SLC24A2: variants seen among roughly 807,000 people sequenced by gnomAD.
SLC24A2 encodes sodium/potassium/calcium exchanger 2.
SLC24A2 carries 36 observed loss-of-function variants against 62.0 expected under a neutral mutation model. The observed-to-expected ratio is 0.58, with a 90% CI of 0.44 to 0.77. The LOEUF is 0.77. Among genes scored for constraint, SLC24A2 ranks in the 30% least tolerant of loss-of-function variants. The pLI, the probability that SLC24A2 is intolerant of heterozygous loss-of-function variation, is 0.00. For missense variants in SLC24A2, 846 were observed against 817.9 expected (o/e 1.03, Z -0.42); for synonymous variants, 358 against 294.0 (o/e 1.22, Z -2.23).
At chr9:20,082,592 G>A in the SLC24A2 span, among the ~76,000 whole-genome samples, 1 of 152,208 alleles carries the variant, frequency 6.6e-6, no homozygotes, top group Non-Finnish European at 1.5e-5. Flanking sequence ...ACCATCACCA[G>A]CTGGCTGCCT....
At chr9:20,224,430 A>C in the SLC24A2 span, among the ~76,000 whole-genome samples, 1 of 152,108 alleles carries the variant, frequency 6.6e-6, no homozygotes, top group Non-Finnish European at 1.5e-5. Flanking sequence ...GCAAAAATTA[A>C]AGCCTGAAAA....
At chr9:19,757,556 T>G (rs1452338635) in intron 2 of SLC24A2, among the ~76,000 whole-genome samples, 1 of 152,176 alleles carries the variant, frequency 6.6e-6, no homozygotes, top group Admixed American at 6.5e-5. Context: ...AAAATTAGCT[T>G]GAGGTAAGGG....
chr9:20,260,162 A>G, the SLC24A2 span, among the ~76,000 whole-genome samples: 77,352 of 152,128 alleles, frequency 0.51, 22,195 homozygotes, highest in East Asian at 0.81. Flanking sequence ...TTCATTAGTG[A>G]GCTTAGTGCC....
the SLC24A2 span, among the ~76,000 whole-genome samples, chr9:19,994,856 C>A: frequency 6.6e-6 from 1 of 152,220 alleles, no homozygotes; most frequent in Non-Finnish European, 1.5e-5. Flanking sequence ...ACATACTTCA[C>A]TGAGAGGTCT....
the SLC24A2 span, among the ~76,000 whole-genome samples, chr9:20,080,218 T>C: frequency 6.6e-6 from 1 of 152,220 alleles, no homozygotes; most frequent in Admixed American, 6.5e-5. Context: ...GCTACCTGAC[T>C]TCAAACTATA....
At chr9:20,268,032 C>T in the SLC24A2 span, among the ~76,000 whole-genome samples, 4 of 152,120 alleles carry the variant, frequency 2.6e-5, no homozygotes, top group Non-Finnish European at 5.9e-5. Flanking sequence ...CCCACAGCCA[C>T]GTTATCTGCT....
chr9:19,711,262 T>C (rs1820707447), intron 2 of SLC24A2, among the ~76,000 whole-genome samples: 1 of 152,242 alleles, frequency 6.6e-6, no homozygotes, highest in Non-Finnish European at 1.5e-5. Context: ...ATAATGCAAT[T>C]GCTCTGACGG....
the SLC24A2 span, among the ~76,000 whole-genome samples, chr9:20,149,179 A>T: frequency 2.0e-5 from 3 of 152,024 alleles, no homozygotes; most frequent in Non-Finnish European, 4.4e-5. Flanking sequence ...TCCAGCTTCC[A>T]ACTGCAATAT....
the SLC24A2 span, among the ~76,000 whole-genome samples, chr9:20,101,487 G>C: frequency 6.6e-6 from 1 of 152,218 alleles, no homozygotes; most frequent in Non-Finnish European, 1.5e-5. Context: ...CCTTAGTTAA[G>C]AAATATTAAT....
At chr9:19,869,545 G>A in the SLC24A2 span, among the ~76,000 whole-genome samples, 4 of 152,042 alleles carry the variant, frequency 2.6e-5, 1 homozygote, top group South Asian at 8.3e-4. Flanking sequence ...TAATTCCTTT[G>A]TTGATTTTTA....
intron 2 of SLC24A2, among the ~76,000 whole-genome samples, chr9:19,644,684 CTCTATATTTTT>C: frequency 6.6e-6 from 1 of 152,162 alleles, no homozygotes; most frequent in Admixed American, 6.5e-5. Context: ...TGTATATTTT[CTCTATATTTTT>C]ATGTAAGCAA....
chr9:19,687,699 A>T (rs919631895), intron 2 of SLC24A2, among the ~76,000 whole-genome samples: 1 of 151,908 alleles, frequency 6.6e-6, no homozygotes, highest in African/African-American at 2.4e-5. Context: ...TCTGGCTTTG[A>T]CCTTTGCATT....
At chr9:19,611,144 G>C (rs1383609357) in intron 4 of SLC24A2, among the ~76,000 whole-genome samples, 1 of 152,156 alleles carries the variant, frequency 6.6e-6, no homozygotes, top group Non-Finnish European at 1.5e-5. Context: ...TGAAGGAGGG[G>C]AGACCAGGAG....
the SLC24A2 span, among the ~76,000 whole-genome samples, chr9:20,280,392 G>A: frequency 6.6e-6 from 1 of 152,174 alleles, no homozygotes; most frequent in East Asian, 1.9e-4. Flanking sequence ...TCTGACTAGA[G>A]GCAATTCTCT....
chr9:19,887,401 G>A, the SLC24A2 span, among the ~76,000 whole-genome samples: 659 of 151,994 alleles, frequency 4.3e-3, 10 homozygotes, highest in African/African-American at 0.015. Context: ...CAGATGAATG[G>A]GCAATTCTCA....
At chr9:19,842,283 A>C in the SLC24A2 span, among the ~76,000 whole-genome samples, 1 of 152,242 alleles carries the variant, frequency 6.6e-6, no homozygotes, top group Non-Finnish European at 1.5e-5. Context: ...AAAGAAATGC[A>C]GCACTGGGAT....
the SLC24A2 span, among the ~76,000 whole-genome samples, chr9:20,233,310 A>C: frequency 6.6e-6 from 1 of 151,934 alleles, no homozygotes; most frequent in South Asian, 2.1e-4. Context: ...TGATCTGTCT[A>C]ATGTTGACAG....
the SLC24A2 span, among the ~76,000 whole-genome samples, chr9:19,915,431 T>C: frequency 2.0e-5 from 3 of 152,156 alleles, no homozygotes; most frequent in Non-Finnish European, 1.5e-5. Context: ...ATATTTTCAA[T>C]TCTCTTGGGC....
At chr9:19,692,133 T>G (rs1324733161) in intron 2 of SLC24A2, among the ~76,000 whole-genome samples, 1 of 152,204 alleles carries the variant, frequency 6.6e-6, no homozygotes, top group African/African-American at 2.4e-5. Flanking sequence ...GTCATACTTA[T>G]GTCATAGATG....
Sources: gnomAD v4.1 joint callset for allele counts (sites outside exome capture counted in the v4.1 genomes callset) on GRCh38, gnomAD v4.1.1 for gene constraint, MANE v1.5 for transcripts, NCBI Gene and HGNC (gene_info 2026-07-23, HGNC 2026-07-21) for gene names.